The following GNPDA1 variants were observed in gnomAD, a reference collection of about 807,000 sequenced individuals.
GNPDA1 encodes GNPDA 1.
In GNPDA1, 24 loss-of-function variants were observed where a neutral mutation model predicts 28.5. That is an observed-to-expected ratio of 0.84 (90% CI 0.61 to 1.19). The LOEUF is 1.19. Ranked by LOEUF, GNPDA1 falls within the 50% of genes most tolerant of loss-of-function variation. The pLI is 0.00. For missense variants in GNPDA1, 264 were observed against 367.3 expected, an observed-to-expected ratio of 0.72 and a Z score of 2.30; for synonymous variants, 147 against 139.3, an observed-to-expected ratio of 1.06 and a Z score of -0.39.
At chr5:142,004,048 G>A (rs1053442448) in intron 5 of GNPDA1, among the ~76,000 whole-genome samples, 7 of 152,194 alleles carry the variant, frequency 4.6e-5, no homozygotes, top group South Asian at 2.1e-4. Flanking sequence ...TATTTCTTCC[G>A]GACCCCTCAG....
chr5:142,011,569 A>C (rs540405185), intron 2 of GNPDA1, among the ~76,000 whole-genome samples: 37 of 152,340 alleles, frequency 2.4e-4, no homozygotes. Context: ...AGAGAAGAGA[A>C]ATTAATTCAT....
intron 2 of GNPDA1, among the ~76,000 whole-genome samples, chr5:142,008,651 T>C (rs1014393109): frequency 6.6e-6 from 1 of 151,716 alleles, no homozygotes; most frequent in Non-Finnish European, 1.5e-5. Context: ...CACTTGAACC[T>C]GGGAGGCAGA....
At position 142,006,159 on chromosome 5, in the gene GNPDA1, C is replaced by T. The variant is rs1410710823; in HGVS notation, c.394G>A (p.Glu132Lys). The stretch of plus-strand genomic sequence containing the variant: ...TCAAGCTCACCTCCAACAAATAGCT[C>T]GATCCCACCTGCAGCCTTGATCTTC... ...EEKIKAAGGIELFVGGIGPDG... is the reference protein window; with the variant it reads ...EEKIKAAGGIKLFVGGIGPDG... Residue 132 changes from glutamate (E) to lysine (K), a missense_variant, in exon 4 of 7, where the codon GAG (glutamate) becomes AAG (lysine). Transcript: ENST00000311337. 5.0e-6 allele frequency: 8 copies of T among 1,612,946 alleles called. No homozygotes were observed. The highest frequency in any genetic ancestry group is 2.2e-5 in the East Asian group (1 of 44,858).
At position 142,006,174 on chromosome 5, in the gene GNPDA1, C is replaced by T. The variant is rs200971161; in HGVS notation, c.379G>A (p.Ala127Thr). The change falls in exon 4 of 7, where the codon GCT becomes ACT. Residue 127 changes from alanine (A) to threonine (T), a missense_variant. By Grantham distance (58) the Ala-to-Thr change is moderately conservative. Transcript: ENST00000311337. Reference protein sequence around the residue: ...ECDAFEEKIKAAGGIELFVGG... With the variant: ...ECDAFEEKIKTAGGIELFVGG... ...ACAAATAGCTCGATCCCACCTGCAG[C>T]CTTGATCTTCTCTTCAAAGGCATCA... The T allele has an allele frequency of 8.9e-5, 144 of 1,613,920 alleles. No individual in the cohort carries two copies. The highest frequency in any genetic ancestry group is 3.3e-5 in the Admixed American group (2 of 59,998).
intron 2 of GNPDA1, 76 bp downstream of exon 2, chr5:142,011,836 T>G: frequency 6.5e-5 from 100 of 1,544,412 alleles, no homozygotes; most frequent in Non-Finnish European, 8.2e-5. Flanking sequence ...CTTGGCTGAG[T>G]GAGCCGGTGT....
rs1596742505 is a variant in GNPDA1 at position 142,012,259 on chromosome 5, T to C, written c.-6-218A>G. 1.4e-5 allele frequency: 6 copies of C among 420,918 alleles called. No individual in the cohort carries two copies. In the East Asian group the frequency reaches 2.2e-4, roughly 15 times the overall value. The allele number at this position is 420,918 out of a possible 1,614,324, so 26.1% of individuals were successfully genotyped here. A position where few individuals can be genotyped will look rare whatever the true frequency, so the allele number is the denominator to read the frequency against. On this transcript the variant is annotated intron_variant, in intron 1 of 6. Coordinates refer to ENST00000311337, the MANE Select transcript of GNPDA1 (RefSeq NM_005471.5). ...GAGGAGGCGCCACTGGGGGCAGATC[T>C]GGGTTCTAATCTCAGCTCCTTCACT...
chr5:142,004,497 C>T lies in GNPDA1; in HGVS notation c.594+435G>A, dbSNP rs115157770. Among the ~76,000 whole-genome samples the T allele has an allele frequency of 6.7e-3, 1,027 of 152,336 alleles. 10 individuals carry two copies. The highest frequency in any genetic ancestry group is 0.023 in the African/African-American group (951 of 41,576). ...CTTATATTTTAATCATACTTCACCA[C>T]ATTTATTAATCTCTGAGCACGGGGC... On this transcript the variant is annotated intron_variant, in intron 5 of 6. Transcript: ENST00000311337.
At chr5:142,002,543 AG>A (rs1437841847) in intron 6 of GNPDA1, among the ~76,000 whole-genome samples, 1 of 152,198 alleles carries the variant, frequency 6.6e-6, no homozygotes, top group Non-Finnish European at 1.5e-5. Context: ...ACCTGAGGTC[AG>A]GAGTTTGAGA....
At chr5:142,012,224 C>A in intron 1 of GNPDA1, 183 bp from the exon 2 acceptor site, 1 of 496,804 alleles carries the variant, frequency 2.0e-6, no homozygotes. Flanking sequence ...CTCCACCACC[C>A]ACAGACCACG....
At chr5:142,007,691 A>T in intron 3 of GNPDA1, 108 bp downstream of exon 3, 1 of 704,412 alleles carries the variant, frequency 1.4e-6, no homozygotes, top group Non-Finnish European at 2.5e-6. Flanking sequence ...AATTGAGCCT[A>T]TCATCAAATG....
rs371335616 is a variant in GNPDA1 at position 142,004,980 on chromosome 5, G to A, written c.546C>T (p.Pro182=). The A allele has an allele frequency of 3.7e-6, 6 of 1,612,988 alleles. No individual in the cohort carries two copies. The African/African-American group carries it at 5.3e-5, about 14-fold the overall frequency. ...RFFDGELTKV[P]TMALTVGVGT... Reference sequence around the variant, plus strand: ...CCACCCCCACCGTCAAGGCCATGGTGGGCACCTTGGTGAGTTCTCCATCGA... The same window carrying A: ...CCACCCCCACCGTCAAGGCCATGGTAGGCACCTTGGTGAGTTCTCCATCGA... The change falls in exon 5 of 7, where the codon CCC becomes CCT. Residue 182 remains proline (P), a synonymous_variant. Transcript: ENST00000311337.
chr5:142,006,921 A>G (rs545248123), intron 3 of GNPDA1, among the ~76,000 whole-genome samples: 1 of 152,316 alleles, frequency 6.6e-6, no homozygotes, highest in South Asian at 2.1e-4. Flanking sequence ...GACACACACT[A>G]CAACAATGGA....
At chr5:142,002,743 G>C (rs2127087963) in intron 6 of GNPDA1, among the ~76,000 whole-genome samples, 1 of 152,172 alleles carries the variant, frequency 6.6e-6, no homozygotes, top group East Asian at 1.9e-4. Flanking sequence ...GACAGAGTGA[G>C]ACCCTGTCTC....
In GNPDA1 at chr5:142,003,181, C is replaced by A; in HGVS notation, c.676G>T (p.Val226Leu). Residue 226 changes from valine to leucine, a missense_variant, in exon 6 of 7, where the codon GTG becomes TTG. Val to Leu is a conservative substitution (Grantham distance 32). Transcript: ENST00000311337. The surrounding 1 kb of genome is among the most constrained non-coding windows in gnomAD (Gnocchi z 4.0). ...CGGGGATGCTGCTGGAAGGCAGACACGGTCCACATGTGGTTCACTCCCTCC... is the reference window on the plus strand; with the variant it reads ...CGGGGATGCTGCTGGAAGGCAGACAAGGTCCACATGTGGTTCACTCCCTCC... ...IEEGVNHMWT[V>L]SAFQQHPRTV... 6.2e-7 allele frequency: 1 copy of A among 1,613,898 alleles called. No individual in the cohort carries two copies. Among genetic ancestry groups the A allele is most frequent in the Non-Finnish European group, 8.5e-7 (1 of 1,179,808 alleles).
chr5:142,006,080 G>C (rs1755796073), intron 4 of GNPDA1, 64 bp downstream of exon 4: 3 of 1,349,056 alleles, frequency 2.2e-6, no homozygotes, highest in Non-Finnish European at 3.1e-6. Context: ...GACAGGCATT[G>C]TGTCTTGTCC....
chr5:142,007,772 A>ACT (rs1480263468), intron 3 of GNPDA1, 27 bp downstream of exon 3: 2 of 1,364,784 alleles, frequency 1.5e-6, no homozygotes, highest in Non-Finnish European at 2.1e-6. Flanking sequence ...TAGAATCAGG[A>ACT]AAGAACCTTG....
Position 142,005,122 on chromosome 5 carries a change from G to A in GNPDA1, c.410-6C>T. 6.3e-7 allele frequency: 1 copy of A among 1,583,850 alleles called. No homozygotes were observed. The highest frequency in any genetic ancestry group is 8.7e-7 in the Non-Finnish European group (1 of 1,155,080). On this transcript the variant is annotated splice_region_variant and splice_polypyrimidine_tract_variant and intron_variant, in intron 4 of 6. Transcript: ENST00000311337. ...GTGTCCATCAGGGCCGATGCCTATA[G>A]GGAGAGAGCCCGTGCAGCCCTGTCA...
At position 142,004,902 on chromosome 5, in the gene GNPDA1, C is replaced by T. The variant is rs375019214; in HGVS notation, c.594+30G>A. The T allele has an allele frequency of 1.2e-4, 177 of 1,493,480 alleles. No homozygotes were observed. The African/African-American group carries it at 1.9e-3, about 16-fold the overall frequency. 92.5% of individuals were successfully genotyped at this position (1,493,480 alleles called of 1,614,324 possible). A position where few individuals can be genotyped will look rare whatever the true frequency, so the allele number is the denominator to read the frequency against. ...AACAAGAGAAAGACAAGTCCACCAGCGCAAGCTGGTGGGGCCCTTATGCCC... is the reference window on the plus strand; with the variant it reads ...AACAAGAGAAAGACAAGTCCACCAGTGCAAGCTGGTGGGGCCCTTATGCCC... On this transcript the variant is annotated intron_variant, in intron 5 of 6. Coordinates refer to ENST00000311337, the MANE Select transcript of GNPDA1 (RefSeq NM_005471.5).
chr5:142,006,271 G>A lies in GNPDA1; in HGVS notation c.282C>T (p.Phe94=). 6.2e-7 allele frequency: 1 copy of A among 1,614,066 alleles called. No individual in the cohort carries two copies. The highest frequency in any genetic ancestry group is 1.1e-5 in the South Asian group (1 of 91,070). Residue 94 remains phenylalanine (F), a synonymous_variant, in exon 4 of 7, where the codon TTC becomes TTT. Coordinates refer to ENST00000311337, the MANE Select transcript of GNPDA1 (RefSeq NM_005471.5). ...SYHSFMWNNF[F]KHIDIHPENT... ...TTTCTGGGTGGATGTCAATGTGCTT[G>A]AAGAAGTTGTTCCACATGAAGGAGT... is the stretch of plus-strand genomic sequence containing the variant.
Sources: allele counts gnomAD v4.1 joint callset (sites outside exome capture counted in the v4.1 genomes callset), GRCh38; gene constraint gnomAD v4.1.1; non-coding constraint Gnocchi (gnomAD v3.1); transcripts MANE v1.5; gene names NCBI Gene and HGNC (gene_info 2026-07-23, HGNC 2026-07-21).